Variants in MARCHF3 observed in about 807,000 individuals in gnomAD.
MARCHF3 encodes the protein membrane associated ring-CH-type finger 3.
Under a neutral mutation model 24.2 loss-of-function variants are expected in MARCHF3, and 13 were observed. That is an observed-to-expected ratio of 0.54 (90% CI 0.35 to 0.85). The LOEUF is 0.85. MARCHF3 is among the 40% of genes least tolerant of loss of function. MARCHF3 has a pLI of 0.01. For missense variants in MARCHF3, 276 were observed against 325.0 expected (o/e 0.85, Z 1.16); for synonymous variants, 144 against 137.3 (o/e 1.05, Z -0.34).
At chr5:126,948,404 G>A (rs758200159) in intron 1 of MARCHF3, among the ~76,000 whole-genome samples, 1 of 152,170 alleles carries the variant, frequency 6.6e-6, no homozygotes, top group Non-Finnish European at 1.5e-5. Context: ...TTATTCAAGG[G>A]TCAACTGTAA....
chr5:126,959,384 C>A (rs1254565168), intron 1 of MARCHF3, among the ~76,000 whole-genome samples: 1 of 152,168 alleles, frequency 6.6e-6, no homozygotes, highest in Admixed American at 6.5e-5. Flanking sequence ...AGCTGACCAG[C>A]ATTTCTCAAA....
At chr5:126,919,954 C>T (rs1749045179) in intron 1 of MARCHF3, among the ~76,000 whole-genome samples, 1 of 152,206 alleles carries the variant, frequency 6.6e-6, no homozygotes, top group Non-Finnish European at 1.5e-5. Flanking sequence ...ATGCCATTTT[C>T]AAGACCAGCA....
intron 1 of MARCHF3, among the ~76,000 whole-genome samples, chr5:126,945,909 C>A (rs1561440514): frequency 6.6e-6 from 1 of 152,186 alleles, no homozygotes; most frequent in African/African-American, 2.4e-5. Flanking sequence ...TGTCCAAGCA[C>A]AGACCAGCTA....
At chr5:126,914,510 T>C (rs1039242779) in intron 3 of MARCHF3, among the ~76,000 whole-genome samples, 1 of 152,082 alleles carries the variant, frequency 6.6e-6, no homozygotes, top group Non-Finnish European at 1.5e-5. Context: ...AGCTATACTT[T>C]TTCATGAAGA....
In MARCHF3 at chr5:127,005,571, C is replaced by T. The variant is rs73786292; in HGVS notation, c.-57+24779G>A. ...ACAACAGCCATCAATAGGCATGTGA[C>T]TGCCCTCAAATTCTGGGCAAAATTT... On this transcript the variant is annotated intron_variant, in intron 1 of 4. Coordinates refer to ENST00000308660, the MANE Select transcript of MARCHF3 (RefSeq NM_178450.5). Among the ~76,000 whole-genome samples, 214 of 152,256 alleles carry T rather than the reference C, an allele frequency of 1.4e-3. 1 individual carries two copies. Among genetic ancestry groups the T allele is most frequent in the African/African-American group, 5.2e-3 (214 of 41,510 alleles).
chr5:127,014,178 G>A (rs962928624), intron 1 of MARCHF3, among the ~76,000 whole-genome samples: 1 of 152,008 alleles, frequency 6.6e-6, no homozygotes, highest in Non-Finnish European at 1.5e-5. Context: ...AGAATATACA[G>A]AGAACTCAAA....
chr5:126,920,735 C>T (rs942234972), intron 1 of MARCHF3, among the ~76,000 whole-genome samples: 1 of 152,098 alleles, frequency 6.6e-6, no homozygotes, highest in Non-Finnish European at 1.5e-5. Context: ...ACACTTGTAA[C>T]CTAGATTAAG....
chr5:126,917,148 T>G (rs1398882122), intron 2 of MARCHF3, among the ~76,000 whole-genome samples: 1 of 152,128 alleles, frequency 6.6e-6, no homozygotes, highest in African/African-American at 2.4e-5. Flanking sequence ...GTCAGAAGTG[T>G]CAGCACTGAC....
chr5:126,996,514 C>G lies in MARCHF3; in HGVS notation c.-57+33836G>C, dbSNP rs75259510. ...TGCTTGTGGGCAATCATAGGGTTAG[C>G]AAGAGTTGACTGCAAGGAAGGAAAA... On this transcript the variant is annotated intron_variant, in intron 1 of 4. Transcript: ENST00000308660. Among the ~76,000 whole-genome samples, 10 of 147,456 alleles carry G rather than the reference C, an allele frequency of 6.8e-5. No individual in the cohort carries two copies. In the East Asian group the frequency reaches 2.0e-3, roughly 29 times the overall value.
At chr5:126,968,583 T>C (rs1389974209) in intron 1 of MARCHF3, among the ~76,000 whole-genome samples, 6 of 152,142 alleles carry the variant, frequency 3.9e-5, no homozygotes, top group Admixed American at 6.5e-5. Flanking sequence ...AATTGGGTTA[T>C]TATTATTTTT....
chr5:126,905,341 A>G lies in MARCHF3; in HGVS notation c.393+9589T>C, dbSNP rs1455133077. 9.0e-5 allele frequency among the ~76,000 whole-genome samples: 13 copies of G among 143,814 alleles called. No individual in the cohort carries two copies. The South Asian group carries it at 3.0e-3, about 33-fold the overall frequency. 94.3% of individuals were successfully genotyped at this position (143,814 alleles called of 152,430 possible). A position where few individuals can be genotyped will look rare whatever the true frequency, so the allele number is the denominator to read the frequency against. ...ATGAACTTTAAAGTAGTTTTTTCCA[A>G]TTCTGTGAAGAAAGGCATTGGTAGC... On this transcript the variant is annotated intron_variant, in intron 3 of 4. Transcript: ENST00000308660.
rs1160079354 is a variant in MARCHF3 at position 126,870,426 on chromosome 5, T to C, written c.*207A>G. Reference sequence around the variant, plus strand: ...GTTTGGCAGCTTAGCAAATATCATATGATTGCAGCATCCATCATTTGAAGT... The same window carrying C: ...GTTTGGCAGCTTAGCAAATATCATACGATTGCAGCATCCATCATTTGAAGT... On this transcript the variant is annotated 3_prime_UTR_variant, in exon 5 of 5. Coordinates refer to ENST00000308660, the MANE Select transcript of MARCHF3 (RefSeq NM_178450.5). The C allele has an allele frequency of 1.9e-5, 9 of 484,276 alleles. No individual in the cohort carries two copies. The highest frequency in any genetic ancestry group is 1.3e-4 in the African/African-American group (7 of 52,340). 30.0% of individuals were successfully genotyped at this position (484,276 alleles called of 1,614,324 possible). A position where few individuals can be genotyped will look rare whatever the true frequency, so the allele number is the denominator to read the frequency against.
chr5:126,898,849 TG>T (rs1754012815), intron 3 of MARCHF3: 1 of 983,942 alleles, frequency 1.0e-6, no homozygotes, highest in African/African-American at 1.8e-5. Context: ...GGTGAAGCAA[TG>T]ATGAAATAAT....
intron 3 of MARCHF3, among the ~76,000 whole-genome samples, chr5:126,910,050 T>C (rs764906613): frequency 6.6e-6 from 1 of 152,196 alleles, no homozygotes; most frequent in Non-Finnish European, 1.5e-5. Context: ...TGGTTGTGTG[T>C]AGAGGAAATA....
intron 3 of MARCHF3, among the ~76,000 whole-genome samples, chr5:126,878,883 T>C (rs749520098): frequency 1.3e-5 from 2 of 152,226 alleles, no homozygotes; most frequent in Admixed American, 1.3e-4. Flanking sequence ...CTCTGAGTCC[T>C]AGTAACATTT....
chr5:126,915,908 G>A (rs530067295), intron 2 of MARCHF3, among the ~76,000 whole-genome samples: 1 of 152,276 alleles, frequency 6.6e-6, no homozygotes, highest in African/African-American at 2.4e-5. Context: ...CTATTACCTG[G>A]ATAACTCTGG....
intron 1 of MARCHF3, among the ~76,000 whole-genome samples, chr5:127,000,186 G>A (rs1487613269): frequency 6.6e-6 from 1 of 151,680 alleles, no homozygotes; most frequent in African/African-American, 2.4e-5. Flanking sequence ...TTTTAGCATG[G>A]CTCCCTGCTA....
intron 3 of MARCHF3, among the ~76,000 whole-genome samples, chr5:126,884,419 C>T (rs1260713398): frequency 1.3e-5 from 2 of 152,188 alleles, no homozygotes; most frequent in Non-Finnish European, 2.9e-5. Flanking sequence ...GAGAACTTTA[C>T]AGAGTATTTG....
chr5:126,878,266 C>T lies in MARCHF3; in HGVS notation c.522G>A (p.Leu174=). The T allele has an allele frequency of 6.8e-6, 11 of 1,614,242 alleles. No homozygotes were observed. Among genetic ancestry groups the T allele is most frequent in the Non-Finnish European group, 9.3e-6 (11 of 1,180,048 alleles). ...WLCLRGAVDH[L]HFSSRLEAVG... ...CGGCTTCCAGCCGACTACTAAAGTG[C>T]AGGTGGTCCACGGCGCCCCGCAGGC... The change falls in exon 4 of 5, where the codon CTG becomes CTA. Residue 174 remains leucine, a synonymous_variant. Coordinates refer to ENST00000308660, the MANE Select transcript of MARCHF3 (RefSeq NM_178450.5).
Sources: gnomAD v4.1 joint callset for allele counts (sites outside exome capture counted in the v4.1 genomes callset) on GRCh38, gnomAD v4.1.1 for gene constraint, MANE v1.5 for transcripts, NCBI Gene and HGNC (gene_info 2026-07-23, HGNC 2026-07-21) for gene names.